The following LGI2 variants were observed in gnomAD, a reference collection of about 807,000 sequenced individuals.
The protein encoded by LGI2 is leucine rich repeat LGI family member 2, also known as leucine-rich repeat LGI family member 2.
Under a neutral mutation model 52.0 loss-of-function variants are expected in LGI2, and 30 were observed. The observed-to-expected ratio is 0.58, with a 90% CI of 0.43 to 0.78. LGI2 has a LOEUF of 0.78. Ranked by LOEUF, LGI2 falls within the 30% of genes least tolerant of loss-of-function variation. The pLI is 0.00. For missense variants in LGI2, 573 were observed against 692.5 expected, an observed-to-expected ratio of 0.83 and a Z score of 1.94; for synonymous variants, 270 against 271.8, an observed-to-expected ratio of 0.99 and a Z score of 0.06.
intron 2 of LGI2, 21 bp from the exon 3 acceptor site, chr4:25,026,960 C>G (rs1726170842): frequency 6.4e-7 from 1 of 1,574,188 alleles, no homozygotes; most frequent in African/African-American, 1.4e-5. Flanking sequence ...GAGACAGATT[C>G]CAATGGAGAG....
Position 25,026,929 on chromosome 4 carries a change from A to G in LGI2, c.280T>C (p.Ser94Pro), listed in dbSNP as rs935940718. ...LPSLQLLLLN[S>P]NSFTIIRDDA... ...TCCCGGATGATCGTGAATGAGTTAG[A>G]ATTCAGCAATCTGAAAGTAAGAGAC... is the stretch of plus-strand genomic sequence containing the variant. Residue 94 changes from serine to proline, a missense_variant, in exon 3 of 8, where the codon TCT becomes CCT. Transcript: ENST00000382114. The G allele has an allele frequency of 6.2e-7, 1 of 1,612,884 alleles. No homozygotes were observed. The highest frequency in any genetic ancestry group is 8.5e-7 in the Non-Finnish European group (1 of 1,178,952).
At chr4:25,025,865 A>T (rs1726129660) in intron 3 of LGI2, among the ~76,000 whole-genome samples, 1 of 152,230 alleles carries the variant, frequency 6.6e-6, no homozygotes, top group Admixed American at 6.5e-5. Context: ...TGACCATAAG[A>T]TGAACTATCG....
In LGI2 at chr4:25,003,570, C is replaced by T; in HGVS notation, c.1519G>A (p.Val507Met). The T allele has an allele frequency of 6.2e-7, 1 of 1,614,154 alleles. No individual in the cohort carries two copies. The highest frequency in any genetic ancestry group is 1.1e-5 in the South Asian group (1 of 91,084). The part of the protein sequence containing the change: ...QLFKKFKEIY[V>M]QAPRSFTAVS... ...GCTGTGAATGAACGAGGCGCCTGCA[C>T]GTAAATCTCCTTAAACTTTTTGAAT... Residue 507 changes from valine to methionine, a missense_variant, in exon 8 of 8, where the codon GTG (valine) becomes ATG (methionine). Coordinates refer to ENST00000382114, the MANE Select transcript of LGI2 (RefSeq NM_018176.4).
At chr4:25,015,340 T>A (rs994729550) in intron 6 of LGI2, among the ~76,000 whole-genome samples, 3 of 152,244 alleles carry the variant, frequency 2.0e-5, no homozygotes, top group African/African-American at 7.2e-5. Context: ...TTTAGTGAAT[T>A]ACCCACCTAA....
intron 7 of LGI2, among the ~76,000 whole-genome samples, chr4:25,007,263 A>T (rs1188972303): frequency 6.6e-6 from 1 of 152,180 alleles, no homozygotes; most frequent in African/African-American, 2.4e-5. Context: ...TAACGTTTTG[A>T]TACCATCTGG....
Position 24,998,983 on chromosome 4 carries a change from G to A in LGI2, c.*4468C>T, listed in dbSNP as rs1022694161. On this transcript the variant is annotated 3_prime_UTR_variant, in exon 8 of 8. Transcript: ENST00000382114. Reference sequence around the variant, plus strand: ...ATACATCCACTGTAGTCTGCATACTGTAAAACTTGCTTCTTTACACATAGA... The same window carrying A: ...ATACATCCACTGTAGTCTGCATACTATAAAACTTGCTTCTTTACACATAGA... The A allele has an allele frequency of 3.3e-5, 5 of 152,176 alleles. No homozygotes were observed. Among genetic ancestry groups the A allele is most frequent in the African/African-American group, 4.8e-5 (2 of 41,450 alleles). 9.4% of individuals were successfully genotyped at this position (152,176 alleles called of 1,614,324 possible).
chr4:25,004,407 A>C lies in LGI2; in HGVS notation c.821-139T>G. The C allele has an allele frequency of 1.3e-6, 1 of 767,786 alleles. No individual in the cohort carries two copies. Among genetic ancestry groups the C allele is most frequent in the South Asian group, 1.8e-5 (1 of 55,020 alleles). The allele number at this position is 767,786 out of a possible 1,614,324, so 47.6% of individuals were successfully genotyped here. A position where few individuals can be genotyped will look rare whatever the true frequency, so the allele number is the denominator to read the frequency against. ...AAACAGTATGGTGGTTCCTTGAAAA[A>C]TTAAACATGGAATTACCCTATGAGC... On this transcript the variant is annotated intron_variant, in intron 7 of 7. Transcript: ENST00000382114. The surrounding 1 kb of genome is among the most constrained non-coding windows in gnomAD (Gnocchi z 4.6).
chr4:25,027,394 T>TAAAAAAA (rs10615910), intron 2 of LGI2, among the ~76,000 whole-genome samples: 2 of 144,380 alleles, frequency 1.4e-5, no homozygotes, highest in Admixed American at 6.9e-5. Context: ...TAACAATAGT[T>TAAAAAAA]AAAAAAAAAA....
Position 24,999,560 on chromosome 4 carries a change from T to G in LGI2, c.*3891A>C. Reference sequence around the variant, plus strand: ...TAATTAAAGAACTTCCTTCCGCAGCTGCGAAGGAGAGGCTGATACCTCTGC... The same window carrying G: ...TAATTAAAGAACTTCCTTCCGCAGCGGCGAAGGAGAGGCTGATACCTCTGC... On this transcript the variant is annotated 3_prime_UTR_variant, in exon 8 of 8. Transcript: ENST00000382114. 4.2e-6 allele frequency: 1 copy of G among 239,278 alleles called. No individual in the cohort carries two copies. The highest frequency in any genetic ancestry group is 8.3e-6 in the Non-Finnish European group (1 of 120,528). The allele number at this position is 239,278 out of a possible 1,614,324, so 14.8% of individuals were successfully genotyped here.
At chr4:25,016,369 G>A (rs1725758192) in intron 6 of LGI2, among the ~76,000 whole-genome samples, 1 of 152,238 alleles carries the variant, frequency 6.6e-6, no homozygotes, top group Non-Finnish European at 1.5e-5. Flanking sequence ...AAAAGGTAGT[G>A]AGAAGTCTCA....
chr4:25,014,983 C>T (rs1209885087), intron 6 of LGI2, among the ~76,000 whole-genome samples: 1 of 152,066 alleles, frequency 6.6e-6, no homozygotes, highest in Non-Finnish European at 1.5e-5. Context: ...ACAGCAAAAG[C>T]ACATTCTTGT....
At chr4:25,026,277 T>G (rs1726148723) in intron 3 of LGI2, among the ~76,000 whole-genome samples, 1 of 150,260 alleles carries the variant, frequency 6.7e-6, no homozygotes, top group Non-Finnish European at 1.5e-5. Context: ...AAAAAAGACA[T>G]GAAAGGAAGA....
chr4:25,030,445 G>A (rs1039966978), intron 1 of LGI2, 52 bp downstream of exon 1: 3 of 1,540,158 alleles, frequency 1.9e-6, no homozygotes, highest in Non-Finnish European at 2.6e-6. Context: ...CCTCGCGGCG[G>A]CGGACGCAGG....
In LGI2 at chr4:25,013,453, T is replaced by A. The variant is rs180772289; in HGVS notation, c.656-954A>T. Among the ~76,000 whole-genome samples, 17 of 152,226 alleles carry A rather than the reference T, an allele frequency of 1.1e-4. No homozygotes were observed. The East Asian group carries it at 3.1e-3, about 28-fold the overall frequency. ...CTCTAGTGGACGGGGTACCTTCCCA[T>A]CCCCAAGTCCAGAGCAGAACATCCT... On this transcript the variant is annotated intron_variant, in intron 6 of 7. Coordinates refer to ENST00000382114, the MANE Select transcript of LGI2 (RefSeq NM_018176.4).
chr4:25,012,209 G>C, intron 7 of LGI2, 126 bp downstream of exon 7: 1 of 1,011,166 alleles, frequency 9.9e-7, no homozygotes, highest in Non-Finnish European at 1.5e-6. Context: ...AGGCTGGGAC[G>C]TGTTCCCCAG....
intron 2 of LGI2, among the ~76,000 whole-genome samples, chr4:25,027,958 G>A (rs1009837065): frequency 1.3e-5 from 2 of 152,200 alleles, no homozygotes; most frequent in African/African-American, 2.4e-5. Context: ...ACTAGAATCT[G>A]GCTCTGATTT....
intron 6 of LGI2, among the ~76,000 whole-genome samples, chr4:25,017,325 T>G (rs375974981): frequency 6.6e-6 from 1 of 151,932 alleles, no homozygotes; most frequent in Non-Finnish European, 1.5e-5. Flanking sequence ...GGGCGGATGA[T>G]GAGATCAGGA....
intron 7 of LGI2, among the ~76,000 whole-genome samples, chr4:25,008,917 G>A (rs16876592): frequency 4.6e-5 from 7 of 152,150 alleles, no homozygotes; most frequent in East Asian, 3.9e-4. Flanking sequence ...CACTCGGATC[G>A]CACTGACTTC....
At position 25,018,133 on chromosome 4, in the gene LGI2, A is replaced by G; in HGVS notation, c.511T>C (p.Cys171Arg). ...TATAGCCACTTGGCTTTGCAGTCAC[A>G]TTCAAATTTATTACCCCTCAAATCT... Reference protein sequence around the residue: ...ELDLRGNKFECDCKAKWLYLW... With the variant: ...ELDLRGNKFERDCKAKWLYLW... The change falls in exon 6 of 8, where the codon TGT (cysteine) becomes CGT (arginine). Residue 171 changes from cysteine to arginine, a missense_variant. Transcript: ENST00000382114. The G allele has an allele frequency of 6.2e-7, 1 of 1,604,362 alleles. No individual in the cohort carries two copies. Among genetic ancestry groups the G allele is most frequent in the Non-Finnish European group, 8.5e-7 (1 of 1,177,032 alleles).
Sources: gnomAD v4.1 joint callset for allele counts (sites outside exome capture counted in the v4.1 genomes callset) on GRCh38, gnomAD v4.1.1 for gene constraint, Gnocchi (gnomAD v3.1) non-coding constraint, MANE v1.5 for transcripts, NCBI Gene and HGNC (gene_info 2026-07-23, HGNC 2026-07-21) for gene names.